PLEKHM2: variants seen among roughly 807,000 people sequenced by gnomAD.
PLEKHM2 encodes pleckstrin homology domain-containing family M member 2.
PLEKHM2 carries 77 observed loss-of-function variants against 116.3 expected under a neutral mutation model. The observed-to-expected ratio is 0.66, with a 90% CI of 0.55 to 0.80. The LOEUF is 0.80. PLEKHM2 is among the 30% of genes least tolerant of loss of function. The pLI is 0.00. For synonymous variants in PLEKHM2, 562 were observed against 571.0 expected (o/e 0.98, Z 0.22); for missense variants, 1,183 against 1,354.9 (o/e 0.87, Z 1.99).
At chr1:15,688,533 T>A (rs182685811) in intron 1 of PLEKHM2, among the ~76,000 whole-genome samples, 78 of 151,628 alleles carry the variant, frequency 5.1e-4, no homozygotes, top group South Asian at 1.2e-3. Flanking sequence ...GTGCCTGTAG[T>A]CCCAGCTACT....
upstream of PLEKHM2, chr1:15,681,696 T>G: frequency 2.3e-6 from 1 of 428,690 alleles, no homozygotes; most frequent in African/African-American, 2.0e-5. Flanking sequence ...CACAAACACC[T>G]TTGGTAAGTA....
At chr1:15,712,998 A>G (rs1641366868) in intron 1 of PLEKHM2, among the ~76,000 whole-genome samples, 2 of 152,020 alleles carry the variant, frequency 1.3e-5, no homozygotes, top group African/African-American at 4.8e-5. Context: ...ACGGGGTTTC[A>G]CCATGTTAGC....
At chr1:15,698,541 C>CTTTTTTTTTTT (rs1249746368) in intron 1 of PLEKHM2, among the ~76,000 whole-genome samples, 9 of 139,030 alleles carry the variant, frequency 6.5e-5, no homozygotes, top group African/African-American at 2.6e-4. Context: ...TTCTTTCTTT[C>CTTTTTTTTTTT]TTTCTTTCTT....
At chr1:15,726,402 T>A (rs1393358270) in intron 8 of PLEKHM2, among the ~76,000 whole-genome samples, 1 of 152,158 alleles carries the variant, frequency 6.6e-6, no homozygotes, top group Non-Finnish European at 1.5e-5. Flanking sequence ...CTGCCCAGGC[T>A]TGCTGGCCTG....
chr1:15,700,386 T>C (rs1392854702), intron 1 of PLEKHM2, among the ~76,000 whole-genome samples: 1 of 152,182 alleles, frequency 6.6e-6, no homozygotes, highest in East Asian at 1.9e-4. Flanking sequence ...TACCCCTGTG[T>C]GTGAGCACAC....
At position 15,725,527 on chromosome 1, in the gene PLEKHM2, C is replaced by A; in HGVS notation, c.923C>A (p.Thr308Lys). 6.4e-7 allele frequency: 1 copy of A among 1,567,572 alleles called. No homozygotes were observed. Among genetic ancestry groups the A allele is most frequent in the South Asian group, 1.2e-5 (1 of 84,956 alleles). ...AQALDPPDAC[T>K]ELEVIRVTKK... Reference sequence around the variant, plus strand: ...GCCCTGGACCCGCCGGATGCCTGCACGGAGCTCGAGGTCATCAGGTCAGCA... The same window carrying A: ...GCCCTGGACCCGCCGGATGCCTGCAAGGAGCTCGAGGTCATCAGGTCAGCA... The change falls in exon 8 of 20, where the codon ACG becomes AAG. Residue 308 changes from threonine to lysine, a missense_variant. Physicochemically the swap from Thr to Lys is moderately conservative, Grantham distance 78. Transcript: ENST00000375799.
intron 16 of PLEKHM2, 35 bp from the exon 17 acceptor site, chr1:15,731,854 C>A: frequency 1.3e-6 from 2 of 1,588,258 alleles, no homozygotes; most frequent in East Asian, 2.3e-5. Flanking sequence ...GCCCTTGCCT[C>A]CTCGCTCCCG....
chr1:15,715,839 G>A lies in PLEKHM2; in HGVS notation c.61-398G>A, dbSNP rs149127855. Among the ~76,000 whole-genome samples, 928 of 152,338 alleles carry A rather than the reference G, an allele frequency of 6.1e-3. 15 individuals carry two copies. Among genetic ancestry groups the A allele is most frequent in the African/African-American group, 0.021 (871 of 41,582 alleles). On this transcript the variant is annotated intron_variant, in intron 1 of 19. Transcript: ENST00000375799. ...GAGGAAAATACGTCTAGCGCTCTCT[G>A]TATCAATGCCCCAACTCTGGGTTTG...
intron 14 of PLEKHM2, 108 bp downstream of exon 14, chr1:15,730,037 T>G: frequency 3.0e-6 from 1 of 333,754 alleles, no homozygotes. Flanking sequence ...CATTTCACAA[T>G]CGCCTACCTG....
At chr1:15,731,515 C>G (rs1431669064) in intron 16 of PLEKHM2, among the ~76,000 whole-genome samples, 1 of 152,140 alleles carries the variant, frequency 6.6e-6, no homozygotes, top group Non-Finnish European at 1.5e-5. Flanking sequence ...CAGAAGCTCC[C>G]GGCCTGATGG....
At chr1:15,698,150 G>C (rs1055137991) in intron 1 of PLEKHM2, among the ~76,000 whole-genome samples, 1 of 152,164 alleles carries the variant, frequency 6.6e-6, no homozygotes, top group African/African-American at 2.4e-5. Flanking sequence ...TAGGGGCATT[G>C]ACTGCCCTTC....
In PLEKHM2 at chr1:15,693,991, C is replaced by G. The variant is rs180742493; in HGVS notation, c.60+9373C>G. On this transcript the variant is annotated intron_variant, in intron 1 of 19. Transcript: ENST00000375799. ...TGCTGCTGGAGCTGGCAGTGCCCTT[C>G]TGTCCAACGGAAGCAGTAGAGCTTT... 4.5e-3 allele frequency among the ~76,000 whole-genome samples: 691 copies of G among 152,304 alleles called. 2 individuals carry two copies. Among genetic ancestry groups the G allele is most frequent in the Non-Finnish European group, 7.5e-3 (511 of 68,030 alleles).
At chr1:15,724,932 TAAGAGG>T (rs2068042619) in intron 7 of PLEKHM2, among the ~76,000 whole-genome samples, 1 of 152,040 alleles carries the variant, frequency 6.6e-6, no homozygotes, top group South Asian at 2.1e-4. Flanking sequence ...GAGGGTAACC[TAAGAGG>T]CGTGCAGCCT....
At position 15,727,492 on chromosome 1, in the gene PLEKHM2, A is replaced by G. The variant is rs1442827998; in HGVS notation, c.1420A>G (p.Thr474Ala). 3 of 1,593,118 alleles carry G rather than the reference A, an allele frequency of 1.9e-6. No homozygotes were observed. Among genetic ancestry groups the G allele is most frequent in the Non-Finnish European group, 2.6e-6 (3 of 1,170,540 alleles). ...FYRFTVESPSTVTSGGGHHDP... is the reference protein window; with the variant it reads ...FYRFTVESPSAVTSGGGHHDP... ...CCGCTTTACCGTCGAGAGTCCAAGC[A>G]CTGTTACATCAGGTGGCGGCCACCA... Residue 474 changes from threonine to alanine, a missense_variant, in exon 9 of 20, where the codon ACT becomes GCT. By Grantham distance (58) the Thr-to-Ala change is moderately conservative. Transcript: ENST00000375799. The surrounding 1 kb of genome is among the most constrained non-coding windows in gnomAD (Gnocchi z 7.5).
At chr1:15,722,131 T>C (rs2068003929) in intron 7 of PLEKHM2, among the ~76,000 whole-genome samples, 1 of 152,176 alleles carries the variant, frequency 6.6e-6, no homozygotes, top group South Asian at 2.1e-4. Context: ...ATCCCTGTTA[T>C]TTTACTTTAT....
chr1:15,712,560 T>TGGTA (rs992393348), intron 1 of PLEKHM2, among the ~76,000 whole-genome samples: 39 of 152,262 alleles, frequency 2.6e-4, no homozygotes, highest in Non-Finnish European at 5.0e-4. Context: ...GGTTGAAGTA[T>TGGTA]GGTACATCAT....
At chr1:15,708,494 C>T (rs1641269216) in intron 1 of PLEKHM2, among the ~76,000 whole-genome samples, 1 of 152,324 alleles carries the variant, frequency 6.6e-6, no homozygotes, top group African/African-American at 2.4e-5. Context: ...GGATTACAGG[C>T]GTGAGCCACT....
intron 1 of PLEKHM2, among the ~76,000 whole-genome samples, chr1:15,711,110 C>A (rs1033684244): frequency 2.6e-5 from 4 of 152,128 alleles, no homozygotes; most frequent in African/African-American, 9.7e-5. Flanking sequence ...CCCTGTAATC[C>A]TAGCATTTTG....
At chr1:15,689,679 GC>G (rs1459088581) in intron 1 of PLEKHM2, among the ~76,000 whole-genome samples, 1 of 152,190 alleles carries the variant, frequency 6.6e-6, no homozygotes. Context: ...CTAAATAAAA[GC>G]CACCATTACT....
Sources: gnomAD v4.1 joint callset for allele counts (sites outside exome capture counted in the v4.1 genomes callset) on GRCh38, gnomAD v4.1.1 for gene constraint, Gnocchi (gnomAD v3.1) non-coding constraint, MANE v1.5 for transcripts, NCBI Gene and HGNC (gene_info 2026-07-23, HGNC 2026-07-21) for gene names.